Variants in NISCH observed in about 807,000 individuals in gnomAD.
The protein encoded by NISCH is I-1 receptor candidate protein.
Under a neutral mutation model 138.4 loss-of-function variants are expected in NISCH, and 55 were observed. The observed-to-expected ratio is 0.40, with a 90% CI of 0.32 to 0.50. NISCH has a LOEUF of 0.50. Among genes scored for constraint, NISCH ranks in the 20% least tolerant of loss-of-function variants. The pLI is 0.71. For synonymous variants in NISCH, 860 were observed against 861.5 expected (o/e 1.00, Z 0.03); for missense variants, 1,643 against 2,005.5 (o/e 0.82, Z 3.45).
intron 13 of NISCH, chr3:52,480,977 G>T: frequency 6.8e-7 from 1 of 1,470,464 alleles, no homozygotes; most frequent in Non-Finnish European, 9.0e-7. Context: ...GAGTGGAGCC[G>T]AGGCTCGGGA....
chr3:52,457,426 T>A (rs1173496518), intron 1 of NISCH, among the ~76,000 whole-genome samples: 1 of 152,170 alleles, frequency 6.6e-6, no homozygotes, highest in Non-Finnish European at 1.5e-5. Context: ...GAGAAGATGC[T>A]CAGGCTAGAA....
At chr3:52,481,540 G>A (rs1334895618) in intron 13 of NISCH, 9 of 985,386 alleles carry the variant, frequency 9.1e-6, no homozygotes, top group Admixed American at 6.1e-5. Context: ...GCAGCCAAGC[G>A]AGCCTGTGGA....
intron 14 of NISCH, 29 bp downstream of exon 14, chr3:52,484,666 C>T: frequency 6.2e-7 from 1 of 1,612,530 alleles, no homozygotes; most frequent in South Asian, 1.1e-5. Context: ...TTCTGGGGAC[C>T]ATACATCTGT....
intron 9 of NISCH, 81 bp from the exon 10 acceptor site, chr3:52,478,016 C>T: frequency 6.9e-7 from 1 of 1,458,052 alleles, no homozygotes; most frequent in Non-Finnish European, 9.5e-7. Context: ...GGTTGGAAGG[C>T]CCATCCTGCC....
chr3:52,487,130 T>A lies in NISCH; in HGVS notation c.1704-66T>A. On this transcript the variant is annotated intron_variant, in intron 15 of 20. Transcript: ENST00000345716. The surrounding 1 kb of genome is among the most constrained non-coding windows in gnomAD (Gnocchi z 9.1). The stretch of plus-strand genomic sequence containing the variant: ...TCAGGGTGTAGCAGTGGGCTCCAGA[T>A]GTGGCAGGTGGGAGGTGGGAGGGGC... The A allele has an allele frequency of 6.5e-7, 1 of 1,536,738 alleles. No homozygotes were observed. The highest frequency in any genetic ancestry group is 1.2e-5 in the South Asian group (1 of 81,720).
intron 3 of NISCH, among the ~76,000 whole-genome samples, chr3:52,459,477 A>G (rs749604460): frequency 3.3e-5 from 5 of 152,340 alleles, no homozygotes; most frequent in Middle Eastern, 3.4e-3. Context: ...TCTGTCACCT[A>G]GGCTGGAGTG....
rs778934740 is a variant in NISCH, at chr3:52,492,137, C to T, written c.4170C>T (p.Tyr1390=). ...IFLLDEDCVH[Y]PLPEFAKEPP... ...TCCTGGATGAGGACTGTGTCCACTA[C>T]CCACTGCCCGAGTTTGCCAAAGAGC... Residue 1390 remains tyrosine, a synonymous_variant, in exon 21 of 21, where the codon TAC becomes TAT. Coordinates refer to ENST00000345716, the MANE Select transcript of NISCH (RefSeq NM_007184.4). 1.9e-6 allele frequency: 3 copies of T among 1,613,128 alleles called. No homozygotes were observed. Among genetic ancestry groups the T allele is most frequent in the South Asian group, 2.2e-5 (2 of 91,086 alleles).
chr3:52,491,645 A>T (rs1353910159), intron 20 of NISCH, 132 bp downstream of exon 20: 3 of 1,186,854 alleles, frequency 2.5e-6, no homozygotes, highest in Non-Finnish European at 3.5e-6. Flanking sequence ...CCAGGGTTTT[A>T]TGTGGGGCTT....
At chr3:52,456,540 T>C (rs1338836027) in intron 1 of NISCH, among the ~76,000 whole-genome samples, 1 of 152,180 alleles carries the variant, frequency 6.6e-6, no homozygotes, top group Non-Finnish European at 1.5e-5. Flanking sequence ...AAACCGGCCC[T>C]GGACTAGGCA....
chr3:52,483,872 G>A (rs1313725904), intron 13 of NISCH, among the ~76,000 whole-genome samples: 1 of 152,236 alleles, frequency 6.6e-6, no homozygotes, highest in Non-Finnish European at 1.5e-5. Context: ...GGATGGGTGG[G>A]CCAGCTTGCA....
In NISCH at chr3:52,489,546, T is replaced by G; in HGVS notation, c.3324T>G (p.Ser1108Arg). The change falls in exon 17 of 21, where the codon AGT becomes AGG. Residue 1108 changes from serine to arginine, a missense_variant. Physicochemically the swap from Ser to Arg is moderately radical, Grantham distance 110. Coordinates refer to ENST00000345716, the MANE Select transcript of NISCH (RefSeq NM_007184.4). ...CCGAGGCCCCTGCCCAGTACCCGAG[T>G]GAGCACCTCATCCAGGCCACCTCGG... ...PPAEAPAQYP[S>R]EHLIQATSEE... The G allele has an allele frequency of 2.5e-6, 4 of 1,613,192 alleles. No homozygotes were observed. The South Asian group carries it at 3.3e-5, about 13-fold the overall frequency.
At chr3:52,483,112 G>T (rs183949370) in intron 13 of NISCH, among the ~76,000 whole-genome samples, 2 of 152,208 alleles carry the variant, frequency 1.3e-5, no homozygotes, top group African/African-American at 2.4e-5. Context: ...GGTGCCCAGC[G>T]TGGCCCATCA....
intron 13 of NISCH, chr3:52,481,695 G>T: frequency 4.1e-6 from 4 of 985,534 alleles, no homozygotes; most frequent in Non-Finnish European, 3.6e-6. Flanking sequence ...AGCAGGCCCT[G>T]GATGGGTGGG....
intron 12 of NISCH, 137 bp from the exon 13 acceptor site, chr3:52,480,047 C>A: frequency 9.5e-7 from 1 of 1,051,766 alleles, no homozygotes; most frequent in Non-Finnish European, 1.4e-6. Context: ...AGTGGTAGTT[C>A]CTGCTCTAAG....
rs1199595768 is a variant in NISCH at position 52,492,269 on chromosome 3, C to T, written c.4302C>T (p.Phe1434=). 1.1e-5 allele frequency: 18 copies of T among 1,613,214 alleles called. No individual in the cohort carries two copies. The highest frequency in any genetic ancestry group is 4.0e-5 in the African/African-American group (3 of 74,958). Residue 1434 remains phenylalanine (F), a synonymous_variant, in exon 21 of 21, where the codon TTC becomes TTT. Transcript: ENST00000345716. ...QTYPQALTLV[F]DDVQGHDLMG... ...ACCCGCAGGCCCTCACCCTCGTCTTCGATGACGTGCAAGGTCATGACCTCA... is the reference window on the plus strand; with the variant it reads ...ACCCGCAGGCCCTCACCCTCGTCTTTGATGACGTGCAAGGTCATGACCTCA...
At chr3:52,477,491 T>C (rs746626667) in intron 8 of NISCH, 83 bp from the exon 9 acceptor site, 6 of 1,172,464 alleles carry the variant, frequency 5.1e-6, no homozygotes, top group African/African-American at 1.5e-5. Flanking sequence ...GGAAGCGTCC[T>C]GGGGTGCCCG....
At chr3:52,458,612 A>G (rs1483831087) in intron 2 of NISCH, 50 bp from the exon 3 acceptor site, 1 of 1,530,252 alleles carries the variant, frequency 6.5e-7, no homozygotes, top group South Asian at 1.2e-5. Context: ...GGTCTTACAT[A>G]GGCACAGAGC....
chr3:52,491,143 T>C (rs944398847), intron 19 of NISCH, among the ~76,000 whole-genome samples: 3 of 152,378 alleles, frequency 2.0e-5, no homozygotes, highest in Non-Finnish European at 2.9e-5. Context: ...CTTTGCCTAA[T>C]GTCTCTGTCT....
intron 16 of NISCH, 54 bp from the exon 17 acceptor site, chr3:52,489,282 T>C (rs972076529): frequency 3.9e-5 from 61 of 1,570,942 alleles, no homozygotes; most frequent in Non-Finnish European, 4.7e-5. Context: ...GCACATGCGA[T>C]GTGAATCTTC....
Sources: allele counts gnomAD v4.1 joint callset (sites outside exome capture counted in the v4.1 genomes callset), GRCh38; gene constraint gnomAD v4.1.1; non-coding constraint Gnocchi (gnomAD v3.1); transcripts MANE v1.5; gene names NCBI Gene and HGNC (gene_info 2026-07-23, HGNC 2026-07-21).